YWHAE: variants seen among roughly 807,000 people sequenced by gnomAD.
YWHAE encodes the protein 14-3-3 protein epsilon.
Under a neutral mutation model 30.1 loss-of-function variants are expected in YWHAE, and 4 were observed. The observed-to-expected ratio is 0.13, with a 90% CI of 0.07 to 0.30. The LOEUF (loss-of-function observed/expected upper bound fraction) is 0.30, where lower values mean the gene tolerates loss of function less well. YWHAE is among the 10% of genes least tolerant of loss of function. The pLI is 1.00. For synonymous variants in YWHAE, 118 were observed against 111.8 expected (o/e 1.06, Z -0.35); for missense variants, 121 against 315.9 (o/e 0.38, Z 4.68).
intron 1 of YWHAE, among the ~76,000 whole-genome samples, chr17:1,395,874 T>TG (rs2073463197): frequency 6.6e-6 from 1 of 152,134 alleles, no homozygotes; most frequent in Admixed American, 6.5e-5. Flanking sequence ...ACCCCAGCAC[T>TG]CTGGGAGGCC....
At chr17:1,345,531 G>A (rs372484695) in intron 5 of YWHAE, 32 bp from the exon 6 acceptor site, 519 of 1,605,254 alleles carry the variant, frequency 3.2e-4, no homozygotes, top group Non-Finnish European at 4.0e-4. Flanking sequence ...CAATTATTTC[G>A]TATTGACTAC....
At chr17:1,393,355 G>A (rs1033185924) in intron 1 of YWHAE, among the ~76,000 whole-genome samples, 6 of 151,726 alleles carry the variant, frequency 4.0e-5, no homozygotes, top group Admixed American at 2.0e-4. Flanking sequence ...AAAGTGAGAG[G>A]AGAAAATATT....
intron 1 of YWHAE, among the ~76,000 whole-genome samples, chr17:1,392,503 C>G (rs745316564): frequency 3.3e-5 from 5 of 152,126 alleles, no homozygotes; most frequent in African/African-American, 4.8e-5. Flanking sequence ...AGCCAACCAC[C>G]CGGAACAACA....
chr17:1,368,811 G>A (rs138949867), intron 1 of YWHAE, among the ~76,000 whole-genome samples: 275 of 152,264 alleles, frequency 1.8e-3, no homozygotes, highest in Non-Finnish European at 3.3e-3. Context: ...TGATCGCAAA[G>A]TAAATCTTAA....
intron 1 of YWHAE, among the ~76,000 whole-genome samples, chr17:1,375,326 C>T (rs1486035520): frequency 6.6e-6 from 1 of 152,140 alleles, no homozygotes; most frequent in Non-Finnish European, 1.5e-5. Flanking sequence ...TCAGCCCTCC[C>T]TCAGTAGAGG....
At chr17:1,378,586 A>G (rs2073158386) in intron 1 of YWHAE, among the ~76,000 whole-genome samples, 1 of 152,228 alleles carries the variant, frequency 6.6e-6, no homozygotes, top group South Asian at 2.1e-4. Flanking sequence ...TCTGTACTAA[A>G]AAGCATGTCT....
At chr17:1,399,775 C>G in intron 1 of YWHAE, 2 of 446,746 alleles carry the variant, frequency 4.5e-6, no homozygotes, top group South Asian at 2.4e-5. Context: ...CGCCCTCCCC[C>G]CAGCCGCCAT....
chr17:1,388,117 G>GTTTTTTTTTTTTTTTTTTTTTTT (rs1491196737), intron 1 of YWHAE, among the ~76,000 whole-genome samples: 4 of 65,110 alleles, frequency 6.1e-5, no homozygotes, highest in South Asian at 5.1e-4. Context: ...TTTTTTGGTT[G>GTTTTTTTTTTTTTTTTTTTTTTT]GTTTTTTTTT....
At chr17:1,363,142 C>CTT (rs2072889073) in intron 2 of YWHAE, among the ~76,000 whole-genome samples, 1 of 152,182 alleles carries the variant, frequency 6.6e-6, no homozygotes, top group South Asian at 2.1e-4. Flanking sequence ...GACCATGCTG[C>CTT]TCCATACTAG....
chr17:1,361,055 T>G, intron 4 of YWHAE, 37 bp downstream of exon 4: 1 of 1,594,638 alleles, frequency 6.3e-7, no homozygotes, highest in Non-Finnish European at 8.6e-7. Context: ...CCCCTTAACT[T>G]TCACGCTGAG....
intron 1 of YWHAE, among the ~76,000 whole-genome samples, chr17:1,382,063 T>TAA (rs2073218778): frequency 6.6e-6 from 1 of 152,098 alleles, no homozygotes; most frequent in Non-Finnish European, 1.5e-5. Context: ...TGTTTGTTTG[T>TAA]TTTGAGATGG....
chr17:1,389,742 G>C (rs1396722989), intron 1 of YWHAE, among the ~76,000 whole-genome samples: 1 of 151,916 alleles, frequency 6.6e-6, no homozygotes, highest in Non-Finnish European at 1.5e-5. Context: ...GTGTTAGCCA[G>C]GATGGTCTCA....
At chr17:1,357,436 C>T (rs1212584276) in intron 4 of YWHAE, among the ~76,000 whole-genome samples, 1 of 150,366 alleles carries the variant, frequency 6.7e-6, no homozygotes, top group Non-Finnish European at 1.5e-5. Flanking sequence ...AAAAATTAAC[C>T]GGGCGTGGTG....
At chr17:1,355,219 G>C (rs921385322) in intron 4 of YWHAE, among the ~76,000 whole-genome samples, 25 of 138,418 alleles carry the variant, frequency 1.8e-4, no homozygotes, top group African/African-American at 6.8e-4. Context: ...TGCAGTGGCG[G>C]GATGTAGGCT....
At chr17:1,361,470 AT>A (rs910707761) in intron 3 of YWHAE, among the ~76,000 whole-genome samples, 172 bp from the exon 4 acceptor site, 4 of 152,002 alleles carry the variant, frequency 2.6e-5, no homozygotes, top group Admixed American at 6.6e-5. Flanking sequence ...GCTTCGTTTC[AT>A]TTTTTTCCTT....
At chr17:1,367,792 C>G (rs1414212083) in intron 1 of YWHAE, among the ~76,000 whole-genome samples, 2 of 151,892 alleles carry the variant, frequency 1.3e-5, no homozygotes, top group Non-Finnish European at 2.9e-5. Context: ...TATCAAATTG[C>G]AAAAAACACA....
At chr17:1,395,508 G>GA (rs2073455764) in intron 1 of YWHAE, among the ~76,000 whole-genome samples, 2 of 152,096 alleles carry the variant, frequency 1.3e-5, no homozygotes, top group African/African-American at 4.8e-5. Context: ...CAGCCTGGGG[G>GA]ACAGAGCCCA....
chr17:1,399,928 ACCCAAGC>A, intron 1 of YWHAE, 112 bp downstream of exon 1: 1 of 1,285,768 alleles, frequency 7.8e-7, no homozygotes, highest in Non-Finnish European at 1.1e-6. Context: ...TGCTTCCCGA[ACCCAAGC>A]CCCCGGGCCA....
Position 1,344,502 on chromosome 17 carries a change from AT to A in YWHAE, c.*944del, listed in dbSNP as rs2072484565. The A allele has an allele frequency of 5.1e-6, 1 of 195,352 alleles. No homozygotes were observed. The highest frequency in any genetic ancestry group is 2.3e-5 in the African/African-American group (1 of 43,204). 12.1% of individuals were successfully genotyped at this position (195,352 alleles called of 1,614,324 possible). On this transcript the variant is annotated 3_prime_UTR_variant, in exon 6 of 6. Coordinates refer to ENST00000264335, the MANE Select transcript of YWHAE (RefSeq NM_006761.5). ...TACTGTCAGTGTGTTTGGACTAGAG[AT>A]TTTATTTTAGAAGTATAAAGGATGG...
Sources: allele counts gnomAD v4.1 joint callset (sites outside exome capture counted in the v4.1 genomes callset), GRCh38; gene constraint gnomAD v4.1.1; transcripts MANE v1.5; gene names NCBI Gene and HGNC (gene_info 2026-07-23, HGNC 2026-07-21).